The following CDYL variants were observed in gnomAD, a reference collection of about 807,000 sequenced individuals.
The protein encoded by CDYL is chromodomain Y like.
Under a neutral mutation model 47.3 loss-of-function variants are expected in CDYL, and 8 were observed. The observed-to-expected ratio is 0.17, with a 90% CI of 0.10 to 0.31. The LOEUF (loss-of-function observed/expected upper bound fraction) is 0.31, where lower values mean the gene tolerates loss of function less well. Ranked by LOEUF, CDYL falls within the 10% of genes least tolerant of loss-of-function variation. The pLI is 1.00. For synonymous variants in CDYL, 266 were observed against 265.0 expected, an observed-to-expected ratio of 1.00 and a Z score of -0.04; for missense variants, 471 against 701.4, an observed-to-expected ratio of 0.67 and a Z score of 3.71.
At chr6:4,724,736 T>C (rs1371142933) in intron 2 of CDYL, 1 of 152,244 alleles carries the variant, frequency 6.6e-6, no homozygotes, top group African/African-American at 2.4e-5. Context: ...GTGGTCTCAC[T>C]GGCTTCAGGA....
intron 1 of CDYL, among the ~76,000 whole-genome samples, chr6:4,808,956 T>C (rs375115779): frequency 6.6e-6 from 1 of 152,198 alleles, no homozygotes; most frequent in Admixed American, 6.5e-5. Flanking sequence ...GTGTGAAATA[T>C]TGATGTGGCT....
intron 1 of CDYL, among the ~76,000 whole-genome samples, chr6:4,707,337 G>A (rs566914380): frequency 2.4e-4 from 37 of 152,240 alleles, no homozygotes; most frequent in Admixed American, 1.9e-3. Flanking sequence ...GTGCAGTGGC[G>A]TACAGTCTTG....
At chr6:4,857,233 C>T (rs1222756415) in intron 1 of CDYL, among the ~76,000 whole-genome samples, 1 of 152,142 alleles carries the variant, frequency 6.6e-6, no homozygotes, top group East Asian at 1.9e-4. Flanking sequence ...TGATAATCAA[C>T]CATCACCACC....
intron 1 of CDYL, among the ~76,000 whole-genome samples, chr6:4,713,740 AC>A (rs1582269543): frequency 6.6e-6 from 1 of 152,084 alleles, no homozygotes; most frequent in Admixed American, 6.6e-5. Context: ...GGCATGGGCC[AC>A]CACACCCAGC....
chr6:4,921,514 C>G (rs1757716503), intron 2 of CDYL, among the ~76,000 whole-genome samples: 1 of 152,200 alleles, frequency 6.6e-6, no homozygotes, highest in Non-Finnish European at 1.5e-5. Flanking sequence ...AACACATTTT[C>G]TGAGCCCTGG....
In CDYL at chr6:4,878,071, T is replaced by C. The variant is rs186610346; in HGVS notation, c.25-13642T>C. On this transcript the variant is annotated intron_variant, in intron 1 of 6. Transcript: ENST00000397588. ...CATAGTATGGTGGATTATATTGATT[T>C]TGTAAACCTTGCATTTCTGAGATAT... Among the ~76,000 whole-genome samples, 10 of 152,332 alleles carry C rather than the reference T, an allele frequency of 6.6e-5. No individual in the cohort carries two copies. The East Asian group carries it at 1.7e-3, about 26-fold the overall frequency.
At chr6:4,846,900 A>G (rs1561667082) in intron 1 of CDYL, among the ~76,000 whole-genome samples, 1 of 152,178 alleles carries the variant, frequency 6.6e-6, no homozygotes, top group Non-Finnish European at 1.5e-5. Context: ...ACTTTTCTGT[A>G]ATTTGGATAG....
intron 1 of CDYL, among the ~76,000 whole-genome samples, chr6:4,793,631 G>A (rs528749744): frequency 1.3e-5 from 2 of 152,306 alleles, no homozygotes; most frequent in African/African-American, 4.8e-5. Context: ...CAACTGGAGG[G>A]AGACTTAGAA....
chr6:4,918,719 A>G (rs1399332440), intron 2 of CDYL, among the ~76,000 whole-genome samples: 2 of 152,178 alleles, frequency 1.3e-5, no homozygotes, highest in African/African-American at 2.4e-5. Context: ...CCCTTTCCTC[A>G]GTGTTTTTAA....
intron 3 of CDYL, among the ~76,000 whole-genome samples, chr6:4,746,765 C>T (rs998559986): frequency 1.3e-5 from 2 of 152,084 alleles, no homozygotes; most frequent in Non-Finnish European, 1.5e-5. Flanking sequence ...GCTGTGGGGT[C>T]GCTGGCATAG....
chr6:4,767,929 C>T (rs1335760865), intron 3 of CDYL, among the ~76,000 whole-genome samples: 1 of 150,476 alleles, frequency 6.6e-6, no homozygotes, highest in African/African-American at 2.5e-5. Context: ...TAACCACTCT[C>T]CTCCAACCAC....
chr6:4,939,946 G>C (rs1758314260), intron 4 of CDYL, among the ~76,000 whole-genome samples: 1 of 152,170 alleles, frequency 6.6e-6, no homozygotes, highest in Non-Finnish European at 1.5e-5. Context: ...GTTTTCCCGT[G>C]TAGGCTTTTC....
intron 1 of CDYL, among the ~76,000 whole-genome samples, chr6:4,782,535 C>G (rs1758644227): frequency 6.6e-6 from 1 of 152,186 alleles, no homozygotes; most frequent in Non-Finnish European, 1.5e-5. Context: ...ACTTAATTCT[C>G]TTCAGCCTTT....
Position 4,842,022 on chromosome 6 carries a change from A to G in CDYL, c.25-49691A>G, listed in dbSNP as rs187816711. On this transcript the variant is annotated intron_variant, in intron 1 of 6. Coordinates refer to ENST00000397588, the MANE Select transcript of CDYL (RefSeq NM_004824.4). ...TAAATAAATTAATTATATTTGTATTATTTGTAATATATAATTTATATATAT... is the reference window on the plus strand; with the variant it reads ...TAAATAAATTAATTATATTTGTATTGTTTGTAATATATAATTTATATATAT... Among the ~76,000 whole-genome samples the G allele has an allele frequency of 1.4e-3, 200 of 145,198 alleles. 1 individual carries two copies. The highest frequency in any genetic ancestry group is 4.8e-3 in the African/African-American group (194 of 40,202).
In CDYL at chr6:4,739,543, TA is replaced by T. The variant is rs1013627554; in HGVS notation, c.186+4709del. Among the ~76,000 whole-genome samples, 32 of 133,634 alleles carry T rather than the reference TA, an allele frequency of 2.4e-4. No individual in the cohort carries two copies. In the South Asian group the frequency reaches 4.5e-3, roughly 19 times the overall value. 87.7% of individuals were successfully genotyped at this position (133,634 alleles called of 152,430 possible). On this transcript the variant is annotated intron_variant, in intron 3 of 8. Coordinates refer to the CDYL transcript ENST00000328908. ...CTCAAAAAAAAAAAAAAAAGTTGAG[TA>T]AAAAAAAAATGCCACGGATAGTTTT... is the stretch of plus-strand genomic sequence containing the variant.
At chr6:4,790,304 C>T (rs149930311) in intron 1 of CDYL, among the ~76,000 whole-genome samples, 56 of 152,338 alleles carry the variant, frequency 3.7e-4, no homozygotes, top group Admixed American at 1.2e-3. Context: ...GGACTTAATA[C>T]TATGTGTAAG....
At chr6:4,812,665 T>C (rs541613087) in intron 1 of CDYL, among the ~76,000 whole-genome samples, 1 of 152,350 alleles carries the variant, frequency 6.6e-6, no homozygotes, top group Admixed American at 6.5e-5. Context: ...TTCCACAGTC[T>C]TCTATAGGAA....
chr6:4,809,238 T>C (rs1759458244), intron 1 of CDYL, among the ~76,000 whole-genome samples: 1 of 152,234 alleles, frequency 6.6e-6, no homozygotes, highest in Non-Finnish European at 1.5e-5. Context: ...TATCAATATG[T>C]CTTGGAAATC....
At chr6:4,836,462 C>T (rs904624134) in intron 1 of CDYL, among the ~76,000 whole-genome samples, 2 of 152,184 alleles carry the variant, frequency 1.3e-5, no homozygotes, top group East Asian at 1.9e-4. Context: ...ATTGAGACTT[C>T]GGCTTTCCTT....
Sources: gnomAD v4.1 joint callset for allele counts (sites outside exome capture counted in the v4.1 genomes callset) on GRCh38, gnomAD v4.1.1 for gene constraint, MANE v1.5 for transcripts, NCBI Gene and HGNC (gene_info 2026-07-23, HGNC 2026-07-21) for gene names.